Variants in CSMD1 observed in about 807,000 individuals in gnomAD.
CSMD1 encodes the protein CUB and sushi domain-containing protein 1.
Under a neutral mutation model 417.5 loss-of-function variants are expected in CSMD1, and 213 were observed. That is an observed-to-expected ratio of 0.51 (90% CI 0.46 to 0.57). The LOEUF (loss-of-function observed/expected upper bound fraction) is 0.57, where lower values mean the gene tolerates loss of function less well. CSMD1 is among the 20% of genes least tolerant of loss of function. The pLI is 0.00. For missense variants in CSMD1, 6,923 were observed against 4,529.7 expected, an observed-to-expected ratio of 1.53 and a Z score of -15.17; for synonymous variants, 2,862 against 1,736.8, an observed-to-expected ratio of 1.65 and a Z score of -16.11.
chr8:3,297,784 T>G (rs1056523768), intron 25 of CSMD1, among the ~76,000 whole-genome samples: 1 of 152,140 alleles, frequency 6.6e-6, no homozygotes, highest in African/African-American at 2.4e-5. Context: ...AAGCCAACCT[T>G]AACAAAGTTT....
intron 3 of CSMD1, among the ~76,000 whole-genome samples, chr8:4,314,616 C>T (rs1462652715): frequency 6.6e-6 from 1 of 150,582 alleles, no homozygotes; most frequent in South Asian, 2.1e-4. Flanking sequence ...CACACACACA[C>T]ACACACACAC....
chr8:3,875,475 G>C (rs566495834), intron 5 of CSMD1, among the ~76,000 whole-genome samples: 2 of 152,222 alleles, frequency 1.3e-5, no homozygotes, highest in East Asian at 1.9e-4. Context: ...AGCCCGAACT[G>C]GGTTCCGAGG....
intron 40 of CSMD1, among the ~76,000 whole-genome samples, chr8:3,144,426 T>A (rs1162491467): frequency 6.6e-6 from 1 of 152,078 alleles, no homozygotes; most frequent in African/African-American, 2.4e-5. Context: ...AGGATGTGGC[T>A]GAGGAGACAA....
At position 4,654,280 on chromosome 8, in the gene CSMD1, T is replaced by C. The variant is rs149020160; in HGVS notation, c.86-16722A>G. ...ACAGTTCAGGCAAATCTCAAATGAA[T>C]ATAGACTTATATGGAAAGGATATAA... On this transcript the variant is annotated intron_variant, in intron 1 of 69. Transcript: ENST00000635120. Among the ~76,000 whole-genome samples the C allele has an allele frequency of 1.3e-3, 200 of 152,238 alleles. 2 individuals are homozygous for C. The highest frequency in any genetic ancestry group is 4.7e-3 in the African/African-American group (193 of 41,484).
chr8:3,912,436 T>A (rs1223393899), intron 5 of CSMD1, among the ~76,000 whole-genome samples: 1 of 152,038 alleles, frequency 6.6e-6, no homozygotes, highest in East Asian at 1.9e-4. Context: ...CTACTTAGAG[T>A]AGACCAGGGA....
chr8:4,843,565 G>C (rs1484382526), intron 1 of CSMD1, among the ~76,000 whole-genome samples: 1 of 152,096 alleles, frequency 6.6e-6, no homozygotes, highest in Non-Finnish European at 1.5e-5. Context: ...CCAATCTAAA[G>C]GTACTGTCCA....
intron 1 of CSMD1, among the ~76,000 whole-genome samples, chr8:4,890,013 A>G (rs867522096): frequency 3.9e-5 from 6 of 152,108 alleles, no homozygotes; most frequent in Non-Finnish European, 7.3e-5. Context: ...CTTACCTAAT[A>G]ATTAATATTT....
Position 3,000,063 on chromosome 8 carries a change from C to T in CSMD1, c.8098G>A (p.Asp2700Asn). The change falls in exon 53 of 70, where the codon GAC becomes AAC. Residue 2700 changes from aspartate to asparagine, a missense_variant. Physicochemically the swap from Asp to Asn is conservative, Grantham distance 23. Coordinates refer to ENST00000635120, the MANE Select transcript of CSMD1 (RefSeq NM_033225.6). The stretch of plus-strand genomic sequence containing the variant: ...GGATTGCACTGGTAAACCACCGTGT[C>T]TCTGTAACTGAAGCCATCTCCACTA... ...HISGDGFSYR[D>N]TVVYQCNPGF... The T allele has an allele frequency of 6.2e-7, 1 of 1,603,240 alleles. No individual in the cohort carries two copies. Among genetic ancestry groups the T allele is most frequent in the Non-Finnish European group, 8.5e-7 (1 of 1,177,644 alleles).
chr8:4,495,212 T>G (rs1010159490), intron 2 of CSMD1, among the ~76,000 whole-genome samples: 1 of 152,208 alleles, frequency 6.6e-6, no homozygotes, highest in Non-Finnish European at 1.5e-5. Context: ...CTGGGATTTT[T>G]ATAAAAGGAT....
intron 1 of CSMD1, among the ~76,000 whole-genome samples, chr8:4,897,326 G>C (rs562852388): frequency 6.6e-5 from 10 of 152,172 alleles, no homozygotes; most frequent in African/African-American, 2.4e-4. Flanking sequence ...GTTTTACCAA[G>C]TATGCCAATA....
chr8:3,796,448 T>C lies in CSMD1; in HGVS notation c.819-42406A>G, dbSNP rs147252328. Among the ~76,000 whole-genome samples, 58 of 136,788 alleles carry C rather than the reference T, an allele frequency of 4.2e-4. 3 individuals are homozygous for C. The East Asian group carries it at 0.01, about 25-fold the overall frequency. The allele number at this position is 136,788 out of a possible 152,430, so 89.7% of individuals were successfully genotyped here. A position where few individuals can be genotyped will look rare whatever the true frequency, so the allele number is the denominator to read the frequency against. ...TATAGATATATATATCTATCGTGTA[T>C]AGATATAGATATCTATCATGTATAT... On this transcript the variant is annotated intron_variant, in intron 5 of 69. Coordinates refer to ENST00000635120, the MANE Select transcript of CSMD1 (RefSeq NM_033225.6).
chr8:3,518,253 T>C (rs1797363093), intron 10 of CSMD1, among the ~76,000 whole-genome samples: 1 of 152,194 alleles, frequency 6.6e-6, no homozygotes, highest in African/African-American at 2.4e-5. Flanking sequence ...ATAAATATGT[T>C]TCTTCAAATA....
chr8:4,068,752 T>C (rs1799390299), intron 3 of CSMD1, among the ~76,000 whole-genome samples: 1 of 152,198 alleles, frequency 6.6e-6, no homozygotes, highest in East Asian at 1.9e-4. Context: ...TTCTGTACCA[T>C]AAAATAATGA....
At chr8:3,343,196 C>T (rs1184987627) in intron 23 of CSMD1, 98 bp downstream of exon 23, 2 of 1,045,386 alleles carry the variant, frequency 1.9e-6, no homozygotes, top group Non-Finnish European at 2.8e-6. Context: ...CAGTAGGCAG[C>T]CAGAAAAAAA....
chr8:4,031,795 G>T, intron 4 of CSMD1, 110 bp downstream of exon 4: 1 of 774,034 alleles, frequency 1.3e-6, no homozygotes, highest in Non-Finnish European at 1.9e-6. Flanking sequence ...CATTGTAAGA[G>T]TCAGCTCAAC....
At chr8:3,569,405 G>A (rs1036027638) in intron 10 of CSMD1, among the ~76,000 whole-genome samples, 1 of 152,186 alleles carries the variant, frequency 6.6e-6, no homozygotes, top group Non-Finnish European at 1.5e-5. Context: ...TCAAAGCCGA[G>A]ATAAGACTAG....
At chr8:3,496,550 G>T (rs1415566855) in intron 10 of CSMD1, among the ~76,000 whole-genome samples, 3 of 152,114 alleles carry the variant, frequency 2.0e-5, no homozygotes, top group East Asian at 3.8e-4. Flanking sequence ...ATAGGTTTTG[G>T]TATGTTGTAT....
At position 3,201,716 on chromosome 8, in the gene CSMD1, C is replaced by A; in HGVS notation, c.4994G>T (p.Gly1665Val). 1 of 1,591,260 alleles carries A rather than the reference C, an allele frequency of 6.3e-7. No homozygotes were observed. Among genetic ancestry groups the A allele is most frequent in the Non-Finnish European group, 8.6e-7 (1 of 1,166,946 alleles). ...GGCTGTCTGGAAATAGGCAAACTGT[C>A]CAAAGACCACTAAAAAATAAGAGGT... ...ITVPKEFVVF[G>V]QFAYFQTALN... Residue 1665 changes from glycine to valine, a missense_variant, in exon 32 of 70, where the codon GGA becomes GTA. Gly to Val is a moderately radical substitution (Grantham distance 109). Coordinates refer to ENST00000635120, the MANE Select transcript of CSMD1 (RefSeq NM_033225.6).
In CSMD1 at chr8:3,151,505, C is replaced by T; in HGVS notation, c.5923G>A (p.Gly1975Arg). 1 of 1,610,642 alleles carries T rather than the reference C, an allele frequency of 6.2e-7. No homozygotes were observed. Among genetic ancestry groups the T allele is most frequent in the South Asian group, 1.1e-5 (1 of 90,336 alleles). ...CCACCCAAGGTGCTCAGCGTCCCTC[C>T]ACAGGTTGCTGTTAAGTGGACAAGA... ...YPSPLCIATC[G>R]GTLSTLGGVI... is the part of the protein sequence containing the mutation. The change falls in exon 40 of 70, where the codon GGA becomes AGA. Residue 1975 changes from glycine (G) to arginine (R), a missense_variant. Physicochemically the swap from Gly to Arg is moderately radical, Grantham distance 125. Transcript: ENST00000635120.
Sources: gnomAD v4.1 joint callset for allele counts (sites outside exome capture counted in the v4.1 genomes callset) on GRCh38, gnomAD v4.1.1 for gene constraint, MANE v1.5 for transcripts, NCBI Gene and HGNC (gene_info 2026-07-23, HGNC 2026-07-21) for gene names.